SH3PXD2A: variants seen among roughly 807,000 people sequenced by gnomAD.
SH3PXD2A encodes SH3 and PX domain-containing protein 2A.
A neutral mutation model predicts 115.2 loss-of-function variants in SH3PXD2A; 32 were observed. The observed-to-expected ratio is 0.28, with a 90% CI of 0.21 to 0.37. The LOEUF is 0.37. SH3PXD2A is among the 10% of genes least tolerant of loss of function. The pLI is 1.00. For missense variants in SH3PXD2A, 1,328 were observed against 1,498.7 expected, an observed-to-expected ratio of 0.89 and a Z score of 1.88; for synonymous variants, 610 against 629.1, an observed-to-expected ratio of 0.97 and a Z score of 0.45.
chr10:103,719,842 C>T (rs1390185126), intron 5 of SH3PXD2A, among the ~76,000 whole-genome samples: 1 of 150,822 alleles, frequency 6.6e-6, no homozygotes, highest in African/African-American at 2.4e-5. Flanking sequence ...GTCTCAGCCT[C>T]CCAAGTAGCT....
chr10:103,813,343 G>A (rs2039291145), intron 1 of SH3PXD2A, among the ~76,000 whole-genome samples: 1 of 152,188 alleles, frequency 6.6e-6, no homozygotes, highest in African/African-American at 2.4e-5. Flanking sequence ...TAGAGACAGA[G>A]TCTCGCTCTC....
chr10:103,821,085 C>G (rs935690931), intron 1 of SH3PXD2A, among the ~76,000 whole-genome samples: 2 of 151,478 alleles, frequency 1.3e-5, no homozygotes, highest in African/African-American at 4.9e-5. Context: ...ATAATGCATC[C>G]AAAGCACTTA....
At chr10:103,658,635 A>C (rs1210130882) in intron 8 of SH3PXD2A, among the ~76,000 whole-genome samples, 1 of 152,206 alleles carries the variant, frequency 6.6e-6, no homozygotes, top group Admixed American at 6.5e-5. Context: ...ACGGGTTTGA[A>C]TAGGTAGGCA....
chr10:103,730,314 C>T (rs2038302128), intron 4 of SH3PXD2A, among the ~76,000 whole-genome samples: 1 of 149,406 alleles, frequency 6.7e-6, no homozygotes, highest in Admixed American at 6.7e-5. Context: ...GTTTCTAATC[C>T]CTGGAAATCT....
intron 1 of SH3PXD2A, among the ~76,000 whole-genome samples, chr10:103,853,710 C>T (rs572045149): frequency 1.3e-5 from 2 of 152,348 alleles, no homozygotes; most frequent in African/African-American, 4.8e-5. Context: ...TGGAAACGCA[C>T]CTGCCTGGGT....
chr10:103,633,877 T>C (rs1010228611), intron 8 of SH3PXD2A, among the ~76,000 whole-genome samples: 1 of 151,832 alleles, frequency 6.6e-6, no homozygotes, highest in Non-Finnish European at 1.5e-5. Flanking sequence ...CCAGCCACCA[T>C]AGAAGCTTCT....
intron 6 of SH3PXD2A, among the ~76,000 whole-genome samples, chr10:103,673,924 G>A (rs2134089279): frequency 6.6e-6 from 1 of 152,332 alleles, no homozygotes; most frequent in South Asian, 2.1e-4. Flanking sequence ...GGGGTGACAG[G>A]CCAGGGGCCC....
intron 5 of SH3PXD2A, among the ~76,000 whole-genome samples, chr10:103,710,801 C>T (rs567711301): frequency 6.6e-6 from 1 of 152,156 alleles, no homozygotes; most frequent in African/African-American, 2.4e-5. Context: ...CCTGGGAGGC[C>T]AAGGCAGGAG....
At chr10:103,659,502 G>A (rs2037259921) in intron 8 of SH3PXD2A, among the ~76,000 whole-genome samples, 1 of 152,196 alleles carries the variant, frequency 6.6e-6, no homozygotes, top group African/African-American at 2.4e-5. Context: ...GGTTTCCAGA[G>A]CCAGACCCCC....
intron 8 of SH3PXD2A, among the ~76,000 whole-genome samples, chr10:103,631,666 G>T (rs1373829498): frequency 6.6e-6 from 1 of 152,232 alleles, no homozygotes; most frequent in Non-Finnish European, 1.5e-5. Flanking sequence ...AGCCCACCAA[G>T]CCATTCTGGG....
At chr10:103,750,375 T>C (rs971098305) in intron 3 of SH3PXD2A, among the ~76,000 whole-genome samples, 1 of 152,208 alleles carries the variant, frequency 6.6e-6, no homozygotes, top group Non-Finnish European at 1.5e-5. Context: ...TTTAAGCTGC[T>C]AATTTTGGGG....
At chr10:103,643,012 C>T (rs972479132) in intron 8 of SH3PXD2A, among the ~76,000 whole-genome samples, 3 of 152,168 alleles carry the variant, frequency 2.0e-5, no homozygotes, top group Admixed American at 6.5e-5. Context: ...ATAAACAAAA[C>T]AAACCCACTC....
intron 6 of SH3PXD2A, among the ~76,000 whole-genome samples, chr10:103,681,758 CCGCGCGCGCG>C (rs59908558): frequency 2.0e-5 from 3 of 147,544 alleles, no homozygotes; most frequent in African/African-American, 5.2e-5. Context: ...ACACACGCGC[CCGCGCGCGCG>C]CGCGCACACA....
chr10:103,791,323 CTGTGAACACCG>C (rs1358041706), intron 2 of SH3PXD2A, among the ~76,000 whole-genome samples: 1 of 152,238 alleles, frequency 6.6e-6, no homozygotes, highest in Non-Finnish European at 1.5e-5. Flanking sequence ...GCCAAACACC[CTGTGAACACCG>C]TGAATACCCT....
chr10:103,781,415 G>A (rs987050439), intron 2 of SH3PXD2A, among the ~76,000 whole-genome samples: 8 of 152,164 alleles, frequency 5.3e-5, no homozygotes, highest in African/African-American at 1.9e-4. Context: ...CACCAGCTGG[G>A]GGAGTCTGAG....
chr10:103,617,495 C>G (rs2036537278), intron 10 of SH3PXD2A, among the ~76,000 whole-genome samples, 181 bp from the exon 11 acceptor site: 2 of 152,190 alleles, frequency 1.3e-5, no homozygotes, highest in South Asian at 4.1e-4. Context: ...GCAGGGAGAC[C>G]ATGGGAGCAG....
At chr10:103,685,595 A>G (rs539840484) in intron 6 of SH3PXD2A, among the ~76,000 whole-genome samples, 1 of 152,268 alleles carries the variant, frequency 6.6e-6, no homozygotes, top group African/African-American at 2.4e-5. Context: ...GCTGCCTCCT[A>G]TTCATAGTAA....
chr10:103,678,801 T>A (rs1429089002), intron 6 of SH3PXD2A, among the ~76,000 whole-genome samples: 1 of 152,186 alleles, frequency 6.6e-6, no homozygotes, highest in Non-Finnish European at 1.5e-5. Flanking sequence ...ATTCATGGCC[T>A]CCTTTGTCTC....
intron 2 of SH3PXD2A, among the ~76,000 whole-genome samples, chr10:103,775,543 T>A (rs2038869241): frequency 6.6e-6 from 1 of 152,138 alleles, no homozygotes; most frequent in Non-Finnish European, 1.5e-5. Context: ...AGGAAGGCCT[T>A]CCAGGGGGAG....
Sources: gnomAD v4.1 joint callset for allele counts (sites outside exome capture counted in the v4.1 genomes callset) on GRCh38, gnomAD v4.1.1 for gene constraint, MANE v1.5 for transcripts, NCBI Gene and HGNC (gene_info 2026-07-23, HGNC 2026-07-21) for gene names.